Variants in TNR observed in about 807,000 individuals in gnomAD.
TNR encodes tenascin-R.
A neutral mutation model predicts 150.4 loss-of-function variants in TNR; 45 were observed. The ratio of observed to expected loss-of-function variants is 0.30; its 90% CI spans 0.24 to 0.38. TNR has a LOEUF of 0.38. TNR is among the 10% of genes least tolerant of loss of function. TNR has a pLI of 1.00. For synonymous variants in TNR, 687 were observed against 678.4 expected (o/e 1.01, Z -0.20); for missense variants, 1,544 against 1,759.1 (o/e 0.88, Z 2.19).
chr1:175,725,445 G>A lies in TNR; in HGVS notation c.-165+17781C>T, dbSNP rs1056716715. Among the ~76,000 whole-genome samples the A allele has an allele frequency of 4.6e-5, 7 of 152,252 alleles. No individual in the cohort carries two copies. In the East Asian group the frequency reaches 5.8e-4, roughly 13 times the overall value. Reference sequence around the variant, plus strand: ...CAACATCAGGGGTCTCAACAGATACGACTTCCACCACTTTAAATTCTATAA... The same window carrying A: ...CAACATCAGGGGTCTCAACAGATACAACTTCCACCACTTTAAATTCTATAA... On this transcript the variant is annotated intron_variant, in intron 1 of 22. Transcript: ENST00000367674.
chr1:175,351,577 C>A (rs1324234853), intron 18 of TNR, among the ~76,000 whole-genome samples: 1 of 152,152 alleles, frequency 6.6e-6, no homozygotes. Flanking sequence ...TCAATTTAAC[C>A]AGTGTCTATT....
chr1:175,353,626 C>T (rs1244572143), intron 18 of TNR, among the ~76,000 whole-genome samples: 1 of 152,100 alleles, frequency 6.6e-6, no homozygotes, highest in Non-Finnish European at 1.5e-5. Flanking sequence ...GCCTTCCTGA[C>T]CAGTTGTTAT....
chr1:175,338,019 C>A (rs1385372529), intron 18 of TNR, among the ~76,000 whole-genome samples: 1 of 152,176 alleles, frequency 6.6e-6, no homozygotes, highest in Non-Finnish European at 1.5e-5. Flanking sequence ...TAATAAAAGT[C>A]TCCCCCTTGA....
chr1:175,512,343 C>A lies in TNR; in HGVS notation c.-64+15926G>T, dbSNP rs143760486. On this transcript the variant is annotated intron_variant, in intron 2 of 22. Transcript: ENST00000367674. ...TGTAAATTAGAAATATTTTAAAAAT[C>A]TTTATCAGACACTCAAAGTCACAAG... 6.0e-4 allele frequency among the ~76,000 whole-genome samples: 91 copies of A among 152,276 alleles called. 2 individuals are homozygous for A. The East Asian group carries it at 0.017, about 28-fold the overall frequency.
intron 1 of TNR, among the ~76,000 whole-genome samples, chr1:175,698,927 G>A (rs749297953): frequency 1.3e-5 from 2 of 152,206 alleles, no homozygotes; most frequent in Non-Finnish European, 1.5e-5. Context: ...TTATGGGAAG[G>A]TTGTCAGCAG....
At chr1:175,578,490 C>T (rs1662210993) in intron 1 of TNR, among the ~76,000 whole-genome samples, 1 of 151,994 alleles carries the variant, frequency 6.6e-6, no homozygotes, top group East Asian at 1.9e-4. Context: ...GCAAATAGCT[C>T]AGTGGATAGA....
intron 1 of TNR, among the ~76,000 whole-genome samples, chr1:175,553,283 T>C (rs539120650): frequency 9.9e-5 from 15 of 152,186 alleles, no homozygotes; most frequent in South Asian, 4.1e-4. Flanking sequence ...GAAAGGCTCA[T>C]GTGTGAGCCA....
chr1:175,335,605 C>T (rs1291480601), intron 20 of TNR, 106 bp downstream of exon 20: 52 of 1,123,928 alleles, frequency 4.6e-5, no homozygotes, highest in Non-Finnish European at 6.7e-5. Context: ...CTGTTAGCTT[C>T]TCAACAAACA....
At chr1:175,342,062 G>A (rs2101995701) in intron 18 of TNR, among the ~76,000 whole-genome samples, 1 of 152,358 alleles carries the variant, frequency 6.6e-6, no homozygotes, top group East Asian at 1.9e-4. Context: ...ATATAACAGA[G>A]TGTCTGTTGG....
intron 1 of TNR, among the ~76,000 whole-genome samples, chr1:175,611,072 C>A (rs894735970): frequency 1.3e-5 from 2 of 152,154 alleles, no homozygotes; most frequent in African/African-American, 4.8e-5. Context: ...GTGAAAAATT[C>A]TTTCCTCCCC....
intron 3 of TNR, 71 bp downstream of exon 3, chr1:175,406,145 G>T (rs1440819080): frequency 1.4e-5 from 21 of 1,541,654 alleles, no homozygotes; most frequent in Non-Finnish European, 1.8e-5. Flanking sequence ...GGTCCTTCTT[G>T]TTCACTCTCC....
chr1:175,645,505 G>A (rs57705445), intron 1 of TNR, among the ~76,000 whole-genome samples: 3,304 of 152,304 alleles, frequency 0.022, 102 homozygotes, highest in African/African-American at 0.072. Flanking sequence ...AATTTATAAT[G>A]TGGATCTTTG....
At chr1:175,604,466 C>T (rs910155177) in intron 1 of TNR, among the ~76,000 whole-genome samples, 16 of 152,122 alleles carry the variant, frequency 1.1e-4, no homozygotes, top group African/African-American at 3.9e-4. Context: ...TGGGAAGACT[C>T]GGGCCAAGGA....
intron 1 of TNR, among the ~76,000 whole-genome samples, chr1:175,731,805 T>C (rs1233687784): frequency 6.6e-6 from 1 of 152,178 alleles, no homozygotes; most frequent in East Asian, 1.9e-4. Context: ...CTGTTTCCGC[T>C]CAGCATCTGA....
chr1:175,591,777 T>C (rs149118188), intron 1 of TNR, among the ~76,000 whole-genome samples: 12 of 152,362 alleles, frequency 7.9e-5, no homozygotes, highest in African/African-American at 1.9e-4. Context: ...GGTAGAATTA[T>C]ACTTATCTGC....
intron 1 of TNR, among the ~76,000 whole-genome samples, chr1:175,643,132 T>G (rs1020720670): frequency 6.6e-6 from 1 of 152,144 alleles, no homozygotes; most frequent in African/African-American, 2.4e-5. Context: ...GATGATGCAC[T>G]GAGGGAACCC....
At chr1:175,397,151 A>G (rs1051750875) in intron 4 of TNR, among the ~76,000 whole-genome samples, 2 of 152,264 alleles carry the variant, frequency 1.3e-5, no homozygotes, top group Non-Finnish European at 2.9e-5. Context: ...TATATTAAAA[A>G]TAAAGGTAAT....
At chr1:175,471,992 G>C (rs894225362) in intron 2 of TNR, among the ~76,000 whole-genome samples, 1 of 151,276 alleles carries the variant, frequency 6.6e-6, no homozygotes, top group African/African-American at 2.4e-5. Flanking sequence ...AAGCACACTA[G>C]CTGGGCATGG....
intron 2 of TNR, among the ~76,000 whole-genome samples, chr1:175,522,123 T>C (rs912347387): frequency 6.6e-6 from 1 of 151,692 alleles, no homozygotes; most frequent in Admixed American, 6.6e-5. Flanking sequence ...CCACTTCTCC[T>C]TTTTTTTTCT....
Sources: gnomAD v4.1 joint callset for allele counts (sites outside exome capture counted in the v4.1 genomes callset) on GRCh38, gnomAD v4.1.1 for gene constraint, MANE v1.5 for transcripts, NCBI Gene and HGNC (gene_info 2026-07-23, HGNC 2026-07-21) for gene names.